The following CCDC141 variants were observed in gnomAD, a reference collection of about 807,000 sequenced individuals.
CCDC141 encodes coiled-coil domain containing 141, also known as coiled-coil domain-containing protein 141.
CCDC141 carries 168 observed loss-of-function variants against 181.0 expected under a neutral mutation model. The observed-to-expected ratio is 0.93, with a 90% CI of 0.82 to 1.05. The LOEUF (loss-of-function observed/expected upper bound fraction) is 1.05. Ranked by LOEUF, CCDC141 falls within the 50% of genes least tolerant of loss-of-function variation. The probability of loss-of-function intolerance (pLI) is 0.00; values close to 1 mark genes in which losing one functional copy is unlikely to be tolerated. For missense variants in CCDC141, 1,902 were observed against 1,788.5 expected, an observed-to-expected ratio of 1.06 and a Z score of -1.14; for synonymous variants, 666 against 642.3, an observed-to-expected ratio of 1.04 and a Z score of -0.56.
intron 5 of CCDC141, among the ~76,000 whole-genome samples, chr2:178,946,318 C>T (rs1428877383): frequency 6.6e-6 from 1 of 152,038 alleles, no homozygotes; most frequent in Non-Finnish European, 1.5e-5. Flanking sequence ...ATTTTATCAA[C>T]AGCTATAAAA....
intron 8 of CCDC141, 106 bp from the exon 9 acceptor site, chr2:178,888,774 C>T: frequency 8.1e-6 from 10 of 1,234,670 alleles, no homozygotes; most frequent in Non-Finnish European, 1.1e-5. Flanking sequence ...TAAAAGGCAT[C>T]AGCTTTAGGA....
the CCDC141 span, among the ~76,000 whole-genome samples, chr2:178,819,244 T>G: frequency 6.6e-6 from 1 of 152,222 alleles, no homozygotes; most frequent in Admixed American, 6.5e-5. Context: ...TTCCAGAATA[T>G]AGACTTCAGT....
chr2:178,954,647 C>T (rs1690084163), intron 5 of CCDC141, among the ~76,000 whole-genome samples: 1 of 152,160 alleles, frequency 6.6e-6, no homozygotes, highest in South Asian at 2.1e-4. Flanking sequence ...AGAGAAGACA[C>T]ATCACATATT....
At chr2:178,821,750 T>C in the CCDC141 span, among the ~76,000 whole-genome samples, 4 of 151,956 alleles carry the variant, frequency 2.6e-5, no homozygotes, top group Admixed American at 6.6e-5. Context: ...ATTAAAAAGT[T>C]AGGAAACAAC....
chr2:178,953,081 G>C (rs1690017259), intron 5 of CCDC141, among the ~76,000 whole-genome samples: 1 of 152,154 alleles, frequency 6.6e-6, no homozygotes, highest in Admixed American at 6.5e-5. Context: ...CAAGTAGTTG[G>C]AGTCAAATTT....
Position 178,845,715 on chromosome 2 carries a change from T to C in CCDC141, c.3385A>G (p.Asn1129Asp), listed in dbSNP as rs548893639. 1.6e-5 allele frequency: 25 copies of C among 1,611,426 alleles called. No homozygotes were observed. In the East Asian group the frequency reaches 5.4e-4, roughly 35 times the overall value. Residue 1129 changes from asparagine to aspartate, a missense_variant, in exon 22 of 24, where the codon AAT becomes GAT. Physicochemically the swap from Asn to Asp is conservative, Grantham distance 23. Coordinates refer to ENST00000443758, the MANE Select transcript of CCDC141 (RefSeq NM_173648.4). ...TAATCATAATGGAAGTCTTCCAAAT[T>C]CGGATTCATCTTTAAAACATCTCCC... ...KQGDVLKMNP[N>D]LEDFHYDYID... is the part of the protein sequence containing the mutation.
rs74594799 is a variant in CCDC141 at position 179,011,156 on chromosome 2, T to G, written c.226-32481A>C. Among the ~76,000 whole-genome samples the G allele has an allele frequency of 6.3e-4, 95 of 150,212 alleles. No homozygotes were observed. The East Asian group carries it at 0.018, about 28-fold the overall frequency. On this transcript the variant is annotated intron_variant, in intron 2 of 23. Transcript: ENST00000443758. ...CTGGGCAATAGGGTGAGACTCTGTC[T>G]CAAAAAAAAAAAGAGATACAGACTT...
At chr2:178,892,086 T>A (rs567447488) in intron 8 of CCDC141, among the ~76,000 whole-genome samples, 2 of 152,316 alleles carry the variant, frequency 1.3e-5, no homozygotes, top group Admixed American at 1.3e-4. Flanking sequence ...CAGTGTCCAG[T>A]AGTTTTAAAC....
intron 6 of CCDC141, among the ~76,000 whole-genome samples, chr2:178,938,413 T>C (rs1237898562): frequency 6.6e-6 from 1 of 152,164 alleles, no homozygotes; most frequent in Non-Finnish European, 1.5e-5. Flanking sequence ...CTTAAGTGAT[T>C]CTCCTTGTCT....
chr2:179,042,084 G>A (rs1193062362), intron 2 of CCDC141, among the ~76,000 whole-genome samples: 3 of 152,132 alleles, frequency 2.0e-5, no homozygotes, highest in Non-Finnish European at 4.4e-5. Context: ...GTCATATACA[G>A]AACTGTCCAC....
intron 2 of CCDC141, among the ~76,000 whole-genome samples, chr2:179,027,646 CAAAAAAAAAAAAAAAAAAAA>C (rs71023466): frequency 3.8e-5 from 2 of 53,252 alleles, no homozygotes; most frequent in African/African-American, 6.9e-5. Flanking sequence ...CTCTTACTCT[CAAAAAAAAAAAAAAAAAAAA>C]AAAAAAAAAA....
At chr2:179,047,098 T>C (rs1362296342) in intron 2 of CCDC141, among the ~76,000 whole-genome samples, 186 bp downstream of exon 2, 2 of 152,230 alleles carry the variant, frequency 1.3e-5, no homozygotes, top group African/African-American at 4.8e-5. Context: ...TAGGGAAAAT[T>C]TTTAAAAATA....
intron 19 of CCDC141, 37 bp from the exon 20 acceptor site, chr2:178,853,661 T>C (rs780349671): frequency 6.4e-7 from 1 of 1,550,618 alleles, no homozygotes; most frequent in East Asian, 2.3e-5. Context: ...ATGAAAGAAA[T>C]ACCATCCTTC....
At chr2:178,982,463 C>A (rs1228057614) in intron 2 of CCDC141, among the ~76,000 whole-genome samples, 1 of 152,120 alleles carries the variant, frequency 6.6e-6, no homozygotes, top group Non-Finnish European at 1.5e-5. Context: ...AGGGAGGAGC[C>A]AAGATGGCCG....
chr2:178,925,249 G>A (rs1688866629), intron 6 of CCDC141, among the ~76,000 whole-genome samples: 1 of 152,182 alleles, frequency 6.6e-6, no homozygotes, highest in African/African-American at 2.4e-5. Flanking sequence ...TAGATATTTA[G>A]TTCGTTTATT....
chr2:178,945,829 A>G (rs1347362388), intron 5 of CCDC141, among the ~76,000 whole-genome samples: 1 of 146,422 alleles, frequency 6.8e-6, no homozygotes, highest in South Asian at 2.2e-4. Context: ...AGTTCCACAC[A>G]ATAAATGCAC....
chr2:178,911,613 T>C (rs1158903099), intron 7 of CCDC141, among the ~76,000 whole-genome samples: 1 of 152,212 alleles, frequency 6.6e-6, no homozygotes, highest in Non-Finnish European at 1.5e-5. Context: ...TGAATGAGAC[T>C]CTCTGAAGTA....
intron 2 of CCDC141, among the ~76,000 whole-genome samples, chr2:178,994,785 T>G (rs1692207862): frequency 6.6e-6 from 1 of 152,156 alleles, no homozygotes; most frequent in Non-Finnish European, 1.5e-5. Context: ...TGCTTAAAAA[T>G]TTCTTCCACC....
rs1241459568 is a variant in CCDC141 at position 178,855,457 on chromosome 2, A to G, written c.2950T>C (p.Leu984=). The G allele has an allele frequency of 1.9e-6, 3 of 1,611,690 alleles. No homozygotes were observed. The highest frequency in any genetic ancestry group is 2.5e-6 in the Non-Finnish European group (3 of 1,178,718). Residue 984 remains leucine (L), a synonymous_variant, in exon 19 of 24, where the codon TTG becomes CTG. Coordinates refer to ENST00000443758, the MANE Select transcript of CCDC141 (RefSeq NM_173648.4). ...NYPSDKVNVL[L]EVMKDLQKHV... ...TTTTGCAAATCCTTCATGACTTCCA[A>G]AAGGACATTAACTTTATCACTTGGA...
Sources: gnomAD v4.1 joint callset for allele counts (sites outside exome capture counted in the v4.1 genomes callset) on GRCh38, gnomAD v4.1.1 for gene constraint, MANE v1.5 for transcripts, NCBI Gene and HGNC (gene_info 2026-07-23, HGNC 2026-07-21) for gene names.